Variants in PRIM2 observed in about 807,000 individuals in gnomAD.
PRIM2 encodes DNA primase subunit 2, also known as DNA primase large subunit.
PRIM2 carries 39 observed loss-of-function variants against 67.3 expected under a neutral mutation model. The ratio of observed to expected loss-of-function variants is 0.58; its 90% CI spans 0.45 to 0.76. PRIM2 has a LOEUF of 0.76. Among genes scored for constraint, PRIM2 ranks in the 30% least tolerant of loss-of-function variants. The pLI is 0.00. For synonymous variants in PRIM2, 143 were observed against 198.7 expected (o/e 0.72, Z 2.36); for missense variants, 398 against 598.7 (o/e 0.66, Z 3.50).
intron 7 of PRIM2, among the ~76,000 whole-genome samples, chr6:57,456,662 C>T (rs1407454296): frequency 6.6e-6 from 1 of 151,992 alleles, no homozygotes; most frequent in East Asian, 1.9e-4. Flanking sequence ...CTTCTCTGCA[C>T]TGGTTATTCT....
intron 8 of PRIM2, among the ~76,000 whole-genome samples, chr6:57,521,550 A>G: frequency 6.6e-6 from 1 of 151,966 alleles, no homozygotes; most frequent in Non-Finnish European, 1.5e-5. Context: ...GTATACTTTT[A>G]TGGAATGATG....
chr6:57,364,620 T>C (rs1340268668), intron 5 of PRIM2, among the ~76,000 whole-genome samples: 1 of 152,142 alleles, frequency 6.6e-6, no homozygotes, highest in Middle Eastern at 3.2e-3. Flanking sequence ...TAGTTCACTC[T>C]TTCTCTGAAG....
chr6:57,613,165 G>T (rs1237296684), intron 12 of PRIM2, among the ~76,000 whole-genome samples: 1 of 151,998 alleles, frequency 6.6e-6, no homozygotes, highest in East Asian at 1.9e-4. Context: ...ACTTTTCATA[G>T]TAAAAATGCA....
intron 7 of PRIM2, among the ~76,000 whole-genome samples, chr6:57,415,204 T>C (rs1287481749): frequency 7.2e-5 from 11 of 152,200 alleles, no homozygotes; most frequent in Non-Finnish European, 1.0e-4. Context: ...GCAACACTAA[T>C]TAATCTTTAA....
chr6:57,237,444 CT>C, the PRIM2 span, among the ~76,000 whole-genome samples: 2 of 152,140 alleles, frequency 1.3e-5, no homozygotes, highest in East Asian at 3.8e-4. Flanking sequence ...TCAATTTTGG[CT>C]TTTGTTGCCA....
the PRIM2 span, among the ~76,000 whole-genome samples, chr6:57,241,931 C>T: frequency 1.3e-5 from 2 of 152,068 alleles, no homozygotes; most frequent in African/African-American, 4.8e-5. Flanking sequence ...CTTGGCCTCC[C>T]AAAGTGCTGA....
intron 13 of PRIM2, among the ~76,000 whole-genome samples, chr6:57,643,751 G>A (rs1219552293): frequency 1.3e-5 from 2 of 152,098 alleles, no homozygotes; most frequent in Non-Finnish European, 2.9e-5. Context: ...TTGAAATCAA[G>A]CAGCTAAGTT....
At chr6:57,574,546 G>GT in intron 10 of PRIM2, among the ~76,000 whole-genome samples, 1 of 152,128 alleles carries the variant, frequency 6.6e-6, no homozygotes, top group Non-Finnish European at 1.5e-5. Flanking sequence ...TAATTTGCAA[G>GT]TGGCTACTTT....
chr6:57,396,836 T>C (rs1770531687), intron 7 of PRIM2, among the ~76,000 whole-genome samples: 1 of 152,214 alleles, frequency 6.6e-6, no homozygotes, highest in Non-Finnish European at 1.5e-5. Context: ...GAGCTCCTTT[T>C]AGCAGTTCTT....
intron 11 of PRIM2, among the ~76,000 whole-genome samples, chr6:57,603,648 T>C (rs1318718108): frequency 6.6e-6 from 1 of 151,958 alleles, no homozygotes; most frequent in Admixed American, 6.6e-5. Context: ...TGCTTAGGAT[T>C]GCTTTGGTCA....
At chr6:57,268,457 G>GA in the PRIM2 span, among the ~76,000 whole-genome samples, 3 of 151,320 alleles carry the variant, frequency 2.0e-5, no homozygotes, top group Admixed American at 6.6e-5. Context: ...CATAAAAGGT[G>GA]AAAAAAAATG....
the PRIM2 span, among the ~76,000 whole-genome samples, chr6:57,248,744 T>C: frequency 0.07 from 10,651 of 152,134 alleles, 439 homozygotes; most frequent in Non-Finnish European, 0.1. Flanking sequence ...CAACTTCCCC[T>C]CGGAAAAAGG....
intron 7 of PRIM2, among the ~76,000 whole-genome samples, chr6:57,437,822 G>A (rs1301885910): frequency 2.0e-5 from 3 of 151,948 alleles, no homozygotes; most frequent in Non-Finnish European, 4.4e-5. Context: ...GTAGCACCAC[G>A]CCTGGCTAAT....
rs1554348278 is a variant in PRIM2, at chr6:57,516,428, C to T, written c.761+8974C>T. 5.7e-3 allele frequency among the ~76,000 whole-genome samples: 861 copies of T among 152,088 alleles called. 19 individuals carry two copies. Among genetic ancestry groups the T allele is most frequent in the Middle Eastern group, 3.4e-3 (1 of 294 alleles). ...ATTCTTAATTTATGTAGAATACTAA[C>T]GTTTCCTGGAGTTTTGTAGTTAATT... On this transcript the variant is annotated intron_variant, in intron 8 of 13. Coordinates refer to ENST00000615550, the MANE Select transcript of PRIM2 (RefSeq NM_000947.5).
the PRIM2 span, among the ~76,000 whole-genome samples, chr6:57,291,846 T>C: frequency 2.6e-5 from 4 of 152,142 alleles, no homozygotes; most frequent in Admixed American, 2.6e-4. Context: ...GGGACGTATC[T>C]CAAAATAATA....
intron 7 of PRIM2, among the ~76,000 whole-genome samples, chr6:57,425,913 G>A (rs184623207): frequency 6.6e-6 from 1 of 152,180 alleles, no homozygotes; most frequent in East Asian, 1.9e-4. Flanking sequence ...ATATAGGCCT[G>A]TTTATGCCCA....
chr6:57,310,838 TC>T (rs1767368005), upstream of PRIM2, among the ~76,000 whole-genome samples: 2 of 122,486 alleles, frequency 1.6e-5, no homozygotes, highest in Admixed American at 8.2e-5. Context: ...GGGCAGAGAC[TC>T]CCCTCACCTC....
intron 13 of PRIM2, among the ~76,000 whole-genome samples, chr6:57,634,659 T>C (rs1477303281): frequency 6.6e-6 from 1 of 152,290 alleles, no homozygotes; most frequent in Non-Finnish European, 1.5e-5. Context: ...AAATAAGATA[T>C]GAAAATTAGA....
At chr6:57,577,194 C>T (rs1338335812) in intron 10 of PRIM2, among the ~76,000 whole-genome samples, 3 of 152,156 alleles carry the variant, frequency 2.0e-5, no homozygotes, top group African/African-American at 7.2e-5. Flanking sequence ...TGGGTAGGTA[C>T]AGGCCTGTGC....
Sources: allele counts gnomAD v4.1 joint callset (sites outside exome capture counted in the v4.1 genomes callset), GRCh38; gene constraint gnomAD v4.1.1; transcripts MANE v1.5; gene names NCBI Gene and HGNC (gene_info 2026-07-23, HGNC 2026-07-21).